The following SLC46A1 variants were observed in gnomAD, a reference collection of about 807,000 sequenced individuals.
The protein encoded by SLC46A1 is proton-coupled folate transporter.
Under a neutral mutation model 32.1 loss-of-function variants are expected in SLC46A1, and 17 were observed. The ratio of observed to expected loss-of-function variants is 0.53; its 90% confidence interval spans 0.36 to 0.79. The LOEUF (loss-of-function observed/expected upper bound fraction) is 0.79. Among genes scored for constraint, SLC46A1 ranks in the 30% least tolerant of loss-of-function variants. The probability of loss-of-function intolerance (pLI) is 0.00; values close to 1 mark genes in which losing one functional copy is unlikely to be tolerated. For synonymous variants in SLC46A1, 240 were observed against 262.7 expected (o/e 0.91, Z 0.84); for missense variants, 517 against 588.2 (o/e 0.88, Z 1.25).
rs782256561 is a variant in SLC46A1, at chr17:28,396,162, C to T, written c.*3494G>A. The T allele has an allele frequency of 2.1e-5, 34 of 1,613,808 alleles. No individual in the cohort carries two copies. The highest frequency in any genetic ancestry group is 5.3e-5 in the African/African-American group (4 of 74,908). On this transcript the variant is annotated 3_prime_UTR_variant, in exon 5 of 5. Coordinates refer to ENST00000612814, the MANE Select transcript of SLC46A1 (RefSeq NM_080669.6). Reference sequence around the variant, plus strand: ...ATTGGCTCCTGTGCCCACAGGTGGTCCCACGAATACCAGGAGGCCACCATT... The same window carrying T: ...ATTGGCTCCTGTGCCCACAGGTGGTTCCACGAATACCAGGAGGCCACCATT...
rs1261842721 is a variant in SLC46A1, at chr17:28,396,979, G to A, written c.*2677C>T. 1 of 152,432 alleles carries A rather than the reference G, an allele frequency of 6.6e-6. No homozygotes were observed. Among genetic ancestry groups the A allele is most frequent in the African/African-American group, 2.4e-5 (1 of 41,462 alleles). The allele number at this position is 152,432 out of a possible 1,614,324, so 9.4% of individuals were successfully genotyped here. On this transcript the variant is annotated 3_prime_UTR_variant, in exon 5 of 5. Transcript: ENST00000612814. ...TGCAGCCAGCTTTGCTGCACTTGCT[G>A]GTGCACAGGAGCCTCCTGTTTGGGC...
rs1555591391 is a variant in SLC46A1 at position 28,406,108 on chromosome 17, C to T, written c.7G>A (p.Gly3Arg). The part of the protein sequence containing the change: ME[G>R]SASPPEKPRA... ...GGCTTTTCCGGGGGGCTCGCGCTCCCCTCCATGTGCGTGCGCGGCGGAGCT... is the reference window on the plus strand; with the variant it reads ...GGCTTTTCCGGGGGGCTCGCGCTCCTCTCCATGTGCGTGCGCGGCGGAGCT... Residue 3 changes from glycine to arginine, a missense_variant, in exon 1 of 5, where the codon GGG becomes AGG. Physicochemically the swap from Gly to Arg is moderately radical, Grantham distance 125. Coordinates refer to ENST00000612814, the MANE Select transcript of SLC46A1 (RefSeq NM_080669.6). The surrounding 1 kb of genome is among the most constrained non-coding windows in gnomAD (Gnocchi z 4.5). The T allele has an allele frequency of 6.7e-7, 1 of 1,501,530 alleles. No individual in the cohort carries two copies. The highest frequency in any genetic ancestry group is 8.9e-7 in the Non-Finnish European group (1 of 1,126,650). The allele number at this position is 1,501,530 out of a possible 1,614,324, so 93.0% of individuals were successfully genotyped here.
In SLC46A1 at chr17:28,406,023, A is replaced by C; in HGVS notation, c.92T>G (p.Leu31Arg). ...CRGPVEPLVF[L>R]ANFALVLQGP... ...CTGCAGGACCAAGGCAAAGTTGGCC[A>C]GGAAGACCAGCGGCTCTACCGGGCC... The change falls in exon 1 of 5, where the codon CTG (leucine) becomes CGG (arginine). Residue 31 changes from leucine (L) to arginine (R), a missense_variant. Coordinates refer to ENST00000612814, the MANE Select transcript of SLC46A1 (RefSeq NM_080669.6). This position sits in a 1 kb window ranked among gnomAD's most constrained non-coding sequence, Gnocchi z 4.5. 2.5e-6 allele frequency: 4 copies of C among 1,609,594 alleles called. No homozygotes were observed. Among genetic ancestry groups the C allele is most frequent in the Non-Finnish European group, 1.7e-6 (2 of 1,178,744 alleles).
intron 1 of SLC46A1, 70 bp from the exon 2 acceptor site, chr17:28,405,538 C>T: frequency 6.4e-7 from 1 of 1,552,414 alleles, no homozygotes; most frequent in Non-Finnish European, 8.7e-7. Flanking sequence ...CCTCGCCATC[C>T]CGGGAGCTAC....
In SLC46A1 at chr17:28,405,555, G is replaced by A. The variant is rs2068249548; in HGVS notation, c.229-87C>T. The A allele has an allele frequency of 3.5e-5, 54 of 1,529,440 alleles. 4 individuals are homozygous for A. The highest frequency in any genetic ancestry group is 8.4e-5 in the South Asian group (7 of 83,646). 94.7% of individuals were successfully genotyped at this position (1,529,440 alleles called of 1,614,324 possible). ...TCGCCATCCCGGGAGCTACAGGGAT[G>A]AGGACTTCCTTTGGAGCCCTAAACC... is the stretch of plus-strand genomic sequence containing the variant. On this transcript the variant is annotated intron_variant, in intron 1 of 4. Transcript: ENST00000612814.
upstream of SLC46A1, chr17:28,406,395 C>T (rs1567820234): frequency 2.6e-6 from 1 of 383,556 alleles, no homozygotes; most frequent in Non-Finnish European, 4.6e-6. The surrounding 1 kb of genome is among the most constrained non-coding windows in gnomAD (Gnocchi z 4.5). Flanking sequence ...AGCCCTCCCT[C>T]CCGGCCCAGA....
Position 28,404,871 on chromosome 17 carries a change from C to G in SLC46A1, c.826G>C (p.Val276Leu). The change falls in exon 2 of 5, where the codon GTG becomes CTG. Residue 276 changes from valine to leucine, a missense_variant. Transcript: ENST00000612814. ...GCCCCAAAGTGCACAGTGATCACCA[C>G]GAAGATGGCCAGTGAGTAGAGGGCT... is the stretch of plus-strand genomic sequence containing the variant. ...HLALYSLAIF[V>L]VITVHFGAQD... 6.2e-7 allele frequency: 1 copy of G among 1,613,976 alleles called. No individual in the cohort carries two copies. Among genetic ancestry groups the G allele is most frequent in the Non-Finnish European group, 8.5e-7 (1 of 1,179,890 alleles).
rs1041073163 is a variant in SLC46A1, at chr17:28,395,609, C to T, written c.*4047G>A. On this transcript the variant is annotated 3_prime_UTR_variant, in exon 5 of 5. Transcript: ENST00000612814. The stretch of plus-strand genomic sequence containing the variant: ...CCTCTTCCTGAAACTATCTAGGCTA[C>T]CCCCATAGCACCCCCCGGGCCCCCA... 6.0e-6 allele frequency: 2 copies of T among 334,330 alleles called. No individual in the cohort carries two copies. Among genetic ancestry groups the T allele is most frequent in the East Asian group, 6.4e-5 (1 of 15,674 alleles). 20.7% of individuals were successfully genotyped at this position (334,330 alleles called of 1,614,324 possible).
intron 3 of SLC46A1, 145 bp from the exon 4 acceptor site, chr17:28,400,911 C>T (rs371424638): frequency 1.5e-4 from 111 of 750,316 alleles, no homozygotes; most frequent in African/African-American, 1.4e-3. Flanking sequence ...ACATCATGTA[C>T]TGTGACAAGG....
Position 28,396,214 on chromosome 17 carries a change from C to T in SLC46A1, c.*3442G>A, listed in dbSNP as rs782804151. ...AGAAGATCATCCGCTTCCTGCAGGG[C>T]CGCTCCTCCCGGGACTCATCTGCAG... On this transcript the variant is annotated 3_prime_UTR_variant, in exon 5 of 5. Transcript: ENST00000612814. The T allele has an allele frequency of 2.5e-6, 4 of 1,613,898 alleles. No homozygotes were observed. Among genetic ancestry groups the T allele is most frequent in the South Asian group, 2.2e-5 (2 of 91,094 alleles).
In SLC46A1 at chr17:28,405,439, G is replaced by T; in HGVS notation, c.258C>A (p.Thr86=). ...GGAAGCCGCCCACGTTCATGTAGAG[G>T]GTCCAGTGGGAGGTAAGGGTCTCCA... ...QEVETLTSHW[T]LYMNVGGFLV... The change falls in exon 2 of 5, where the codon ACC becomes ACA. Residue 86 remains threonine, a synonymous_variant. Transcript: ENST00000612814. 2.5e-6 allele frequency: 4 copies of T among 1,595,914 alleles called. No individual in the cohort carries two copies. Among genetic ancestry groups the T allele is most frequent in the South Asian group, 1.1e-5 (1 of 87,786 alleles).
chr17:28,406,447 G>A, upstream of SLC46A1: 2 of 300,490 alleles, frequency 6.7e-6, no homozygotes, highest in East Asian at 5.8e-5. This position sits in a 1 kb window ranked among gnomAD's most constrained non-coding sequence, Gnocchi z 4.5. Context: ...AACATGTATT[G>A]ACCACTTACT....
At chr17:28,400,567 G>A in intron 4 of SLC46A1, 43 bp downstream of exon 4, 1 of 1,608,268 alleles carries the variant, frequency 6.2e-7, no homozygotes, top group Non-Finnish European at 8.5e-7. Flanking sequence ...ACTTTTAAGA[G>A]AAAGGGCTCC....
chr17:28,406,513 C>T (rs903107090), upstream of SLC46A1: 2 of 181,572 alleles, frequency 1.1e-5, no homozygotes, highest in Non-Finnish European at 2.3e-5. The surrounding 1 kb of genome is among the most constrained non-coding windows in gnomAD (Gnocchi z 4.5). Context: ...GATAACTCTA[C>T]AGGCTAGCCA....
upstream of SLC46A1, chr17:28,406,473 T>C (rs2068263355): frequency 4.2e-6 from 1 of 238,134 alleles, no homozygotes; most frequent in African/African-American, 2.3e-5. This position sits in a 1 kb window ranked among gnomAD's most constrained non-coding sequence, Gnocchi z 4.5. Context: ...CTGGGCACGG[T>C]ATTAAACCCT....
chr17:28,404,669 A>T lies in SLC46A1; in HGVS notation c.1028T>A (p.Ile343Asn). Reference protein sequence around the residue: ...WVAEIGLAFNILGMVVFAFAT... With the variant: ...WVAEIGLAFNNLGMVVFAFAT... ...AAAGGCAAAGACCACCATCCCCAGG[A>T]TGTTGAAGGCCAGGCCGATCTCAGC... is the stretch of plus-strand genomic sequence containing the variant. Residue 343 changes from isoleucine (I) to asparagine (N), a missense_variant, in exon 2 of 5, where the codon ATC becomes AAC. Coordinates refer to ENST00000612814, the MANE Select transcript of SLC46A1 (RefSeq NM_080669.6). 6.2e-7 allele frequency: 1 copy of T among 1,612,964 alleles called. No individual in the cohort carries two copies. The highest frequency in any genetic ancestry group is 8.5e-7 in the Non-Finnish European group (1 of 1,179,078).
intron 4 of SLC46A1, chr17:28,399,956 T>G (rs1349530121): frequency 4.0e-6 from 2 of 506,194 alleles, no homozygotes; most frequent in Non-Finnish European, 7.2e-6. Context: ...GGCAGTGACA[T>G]AATCATAGCT....
chr17:28,395,152 T>C lies in SLC46A1; in HGVS notation c.*4504A>G, dbSNP rs2068104662. 6.6e-6 allele frequency: 1 copy of C among 152,146 alleles called. No individual in the cohort carries two copies. Among genetic ancestry groups the C allele is most frequent in the Non-Finnish European group, 1.5e-5 (1 of 68,016 alleles). 9.4% of individuals were successfully genotyped at this position (152,146 alleles called of 1,614,324 possible). A position where few individuals can be genotyped will look rare whatever the true frequency, so the allele number is the denominator to read the frequency against. ...GTTTGATTTAACAAAGCTTGAATAA[T>C]AGTAATAAATAATATTATTAATCTC... On this transcript the variant is annotated 3_prime_UTR_variant, in exon 5 of 5. Coordinates refer to ENST00000612814, the MANE Select transcript of SLC46A1 (RefSeq NM_080669.6).
At chr17:28,400,418 C>T (rs1421837517) in intron 4 of SLC46A1, 192 bp downstream of exon 4, 11 of 641,422 alleles carry the variant, frequency 1.7e-5, no homozygotes, top group South Asian at 4.0e-5. Context: ...CCACCTAGCT[C>T]GCCATCTCGC....
Sources: allele counts gnomAD v4.1 joint callset, GRCh38; gene constraint gnomAD v4.1.1; non-coding constraint Gnocchi (gnomAD v3.1); transcripts MANE v1.5; gene names NCBI Gene and HGNC (gene_info 2026-07-23, HGNC 2026-07-21).